The following SIK3 variants were observed in gnomAD, a reference collection of about 807,000 sequenced individuals.
The protein encoded by SIK3 is serine/threonine-protein kinase SIK3.
SIK3 carries 28 observed loss-of-function variants against 144.2 expected under a neutral mutation model. The ratio of observed to expected loss-of-function variants is 0.19; its 90% CI spans 0.14 to 0.27. The LOEUF (loss-of-function observed/expected upper bound fraction) is 0.27. SIK3 is among the 10% of genes least tolerant of loss of function. The pLI is 1.00. For missense variants in SIK3, 1,319 were observed against 1,776.0 expected (o/e 0.74, Z 4.62); for synonymous variants, 686 against 676.3 (o/e 1.01, Z -0.22).
intron 4 of SIK3, among the ~76,000 whole-genome samples, chr11:116,924,790 G>A (rs963166128): frequency 5.3e-5 from 8 of 152,208 alleles, no homozygotes; most frequent in African/African-American, 1.9e-4. Context: ...ATCCAGGTGG[G>A]CTGGTCAGTG....
intron 16 of SIK3, among the ~76,000 whole-genome samples, chr11:116,863,201 C>A (rs1468733298): frequency 6.6e-6 from 1 of 152,096 alleles, no homozygotes; most frequent in Non-Finnish European, 1.5e-5. Context: ...GAAGTTTGAT[C>A]CTGGGGAGGG....
intron 1 of SIK3, among the ~76,000 whole-genome samples, chr11:117,044,529 G>GA (rs966209502): frequency 6.6e-6 from 1 of 151,722 alleles, no homozygotes; most frequent in Non-Finnish European, 1.5e-5. Flanking sequence ...AGCCTGCCAG[G>GA]AAACAGTATT....
At position 116,849,281 on chromosome 11, in the gene SIK3, G is replaced by T; in HGVS notation, c.3658C>A (p.Pro1220Thr). 2 of 1,614,162 alleles carry T rather than the reference G, an allele frequency of 1.2e-6. No individual in the cohort carries two copies. Among genetic ancestry groups the T allele is most frequent in the Non-Finnish European group, 1.7e-6 (2 of 1,180,008 alleles). ...FSKNKVPSRE[P>T]VIGNCMDRSS... ...CTATCCATGCAGTTCCCTATGACAG[G>T]CTCTGAGGAGACACAGCAGAATAGA... Residue 1220 changes from proline (P) to threonine (T), a missense_variant and splice_region_variant, in exon 22 of 25, where the codon CCT (proline) becomes ACT (threonine). Pro to Thr is a conservative substitution (Grantham distance 38). Coordinates refer to ENST00000445177, the MANE Select transcript of SIK3 (RefSeq NM_001366686.3). The surrounding 1 kb of genome is among the most constrained non-coding windows in gnomAD (Gnocchi z 4.2).
intron 1 of SIK3, among the ~76,000 whole-genome samples, chr11:117,045,759 C>T (rs1256871168): frequency 2.0e-5 from 3 of 152,176 alleles, no homozygotes; most frequent in Non-Finnish European, 2.9e-5. Context: ...TACTCTTCTC[C>T]GCATATTACA....
At chr11:116,868,137 T>C in intron 14 of SIK3, 48 bp from the exon 15 acceptor site, 1 of 1,549,282 alleles carries the variant, frequency 6.5e-7, no homozygotes, top group Non-Finnish European at 8.7e-7. Context: ...CAGACAGGAA[T>C]ATTCCTCCAC....
intron 4 of SIK3, 138 bp downstream of exon 4, chr11:116,927,081 A>ATT: frequency 1.1e-5 from 6 of 557,396 alleles, no homozygotes; most frequent in South Asian, 1.1e-4. Context: ...TTTTCAGGCT[A>ATT]TTTTTTTTTT....
intron 1 of SIK3, among the ~76,000 whole-genome samples, chr11:116,958,933 C>G (rs1949243050): frequency 6.6e-6 from 1 of 152,180 alleles, no homozygotes; most frequent in Non-Finnish European, 1.5e-5. Flanking sequence ...CTTCCTAGAA[C>G]AAATAGCTTG....
intron 1 of SIK3, among the ~76,000 whole-genome samples, chr11:117,040,388 T>C (rs1952686158): frequency 6.6e-6 from 1 of 152,218 alleles, no homozygotes; most frequent in Admixed American, 6.5e-5. Context: ...TATTACTCTG[T>C]TAATAATGTT....
chr11:117,021,952 A>AAC (rs1951792173), intron 1 of SIK3, among the ~76,000 whole-genome samples: 1 of 149,298 alleles, frequency 6.7e-6, no homozygotes, highest in Admixed American at 6.6e-5. Flanking sequence ...AAAAAAAAAA[A>AAC]AAAAAAAAAC....
In SIK3 at chr11:117,023,605, CAAACAAA is replaced by C. The variant is rs1252735326; in HGVS notation, c.274-66548_274-66542del. On this transcript the variant is annotated intron_variant, in intron 1 of 24. Transcript: ENST00000445177. ...AAAAACAAACAAACAAACAAACAAA[CAAACAAA>C]AAAAAAAAAATATATATATATATAT... Among the ~76,000 whole-genome samples, 494 of 64,092 alleles carry C rather than the reference CAAACAAA, an allele frequency of 7.7e-3. 5 individuals are homozygous for C. The highest frequency in any genetic ancestry group is 0.033 in the Middle Eastern group (4 of 120). 42.0% of individuals were successfully genotyped at this position (64,092 alleles called of 152,430 possible).
At chr11:116,995,263 T>C (rs1950624978) in intron 1 of SIK3, among the ~76,000 whole-genome samples, 1 of 110,036 alleles carries the variant, frequency 9.1e-6, no homozygotes. Context: ...CAAGACTCCG[T>C]CTCAAAAAAA....
At chr11:116,942,995 G>C (rs538788624) in intron 3 of SIK3, among the ~76,000 whole-genome samples, 1 of 152,168 alleles carries the variant, frequency 6.6e-6, no homozygotes, top group Admixed American at 6.5e-5. Context: ...AGCAAGACAT[G>C]ATGGTGGCTT....
At chr11:116,965,097 T>C (rs1949480210) in intron 1 of SIK3, among the ~76,000 whole-genome samples, 1 of 152,128 alleles carries the variant, frequency 6.6e-6, no homozygotes, top group Non-Finnish European at 1.5e-5. Context: ...TAGTAAATGG[T>C]ATCTGAAGCA....
chr11:116,977,722 A>G (rs1011222875), intron 1 of SIK3, among the ~76,000 whole-genome samples: 1 of 152,238 alleles, frequency 6.6e-6, no homozygotes, highest in African/African-American at 2.4e-5. Context: ...TAATTTTAAG[A>G]CAGGTAGAAT....
At chr11:116,981,144 A>C (rs1254502069) in intron 1 of SIK3, among the ~76,000 whole-genome samples, 3 of 152,216 alleles carry the variant, frequency 2.0e-5, no homozygotes, top group African/African-American at 4.8e-5. Flanking sequence ...ATAATTACTT[A>C]TTTTGCTCAC....
At chr11:117,070,806 A>C (rs1954240560) in intron 1 of SIK3, among the ~76,000 whole-genome samples, 1 of 141,742 alleles carries the variant, frequency 7.1e-6, no homozygotes, top group Non-Finnish European at 1.5e-5. Flanking sequence ...ACACTGGAGT[A>C]CAATGGTGCG....
intron 1 of SIK3, among the ~76,000 whole-genome samples, chr11:117,042,839 T>TTA (rs1490306097): frequency 3.3e-5 from 5 of 152,186 alleles, no homozygotes; most frequent in African/African-American, 1.2e-4. Context: ...TAAGATAAAT[T>TTA]TTAAAAGTTG....
intron 14 of SIK3, among the ~76,000 whole-genome samples, chr11:116,868,333 G>A (rs1354790280): frequency 6.6e-6 from 1 of 152,226 alleles, no homozygotes; most frequent in Non-Finnish European, 1.5e-5. Flanking sequence ...AAGAGAGAAA[G>A]TAGATCTAGC....
chr11:117,002,952 G>A (rs1950906812), intron 1 of SIK3, among the ~76,000 whole-genome samples: 2 of 152,216 alleles, frequency 1.3e-5, no homozygotes, highest in Non-Finnish European at 2.9e-5. Flanking sequence ...CTTACAGGTA[G>A]CCAGTACTGA....
Sources: allele counts gnomAD v4.1 joint callset (sites outside exome capture counted in the v4.1 genomes callset), GRCh38; gene constraint gnomAD v4.1.1; non-coding constraint Gnocchi (gnomAD v3.1); transcripts MANE v1.5; gene names NCBI Gene and HGNC (gene_info 2026-07-23, HGNC 2026-07-21).